ABCC2: variants seen among roughly 807,000 people sequenced by gnomAD.
ABCC2 encodes the protein ATP binding cassette subfamily C member 2.
ABCC2 carries 157 observed loss-of-function variants against 173.4 expected under a neutral mutation model. The ratio of observed to expected loss-of-function variants is 0.91; its 90% CI spans 0.80 to 1.03. The LOEUF (loss-of-function observed/expected upper bound fraction) is 1.03, where lower values mean the gene tolerates loss of function less well. Among genes scored for constraint, ABCC2 ranks in the 50% least tolerant of loss-of-function variants. The pLI is 0.00. For synonymous variants in ABCC2, 657 were observed against 693.5 expected (o/e 0.95, Z 0.83); for missense variants, 1,822 against 1,852.3 (o/e 0.98, Z 0.30).
intron 12 of ABCC2, among the ~76,000 whole-genome samples, chr10:99,807,787 T>C (rs1042926394): frequency 1.3e-5 from 2 of 152,190 alleles, no homozygotes. Flanking sequence ...TCAGGAAGGA[T>C]TGGCTTAGGA....
chr10:99,817,590 G>A, intron 17 of ABCC2, 106 bp downstream of exon 17: 3 of 1,261,946 alleles, frequency 2.4e-6, no homozygotes, highest in Non-Finnish European at 2.3e-6. Flanking sequence ...ATTAATTTAG[G>A]TAGTCATATT....
intron 9 of ABCC2, among the ~76,000 whole-genome samples, chr10:99,803,229 A>G (rs1039600020): frequency 2.0e-5 from 3 of 152,236 alleles, no homozygotes; most frequent in Non-Finnish European, 4.4e-5. Flanking sequence ...TCGTCCTTCC[A>G]AAGTGCTAGG....
chr10:99,828,144 A>T (rs2038678129), intron 19 of ABCC2, among the ~76,000 whole-genome samples: 1 of 150,968 alleles, frequency 6.6e-6, no homozygotes, highest in Admixed American at 6.6e-5. Context: ...ATTAGCCTGG[A>T]TCTGAGTTTC....
chr10:99,808,198 T>G lies in ABCC2; in HGVS notation c.1784T>G (p.Met595Arg), dbSNP rs774098809. Residue 595 changes from methionine to arginine, a missense_variant, in exon 13 of 32, where the codon ATG becomes AGG. Coordinates refer to ENST00000647814, the MANE Select transcript of ABCC2 (RefSeq NM_000392.5). ...AATATCCTGCGCTTTCCCCTGAGCA[T>G]GCTTCCCATGATGATCTCCTCCATG... Reference protein sequence around the residue: ...LFNILRFPLSMLPMMISSMLQ... With the variant: ...LFNILRFPLSRLPMMISSMLQ... The G allele has an allele frequency of 5.6e-6, 9 of 1,614,032 alleles. No individual in the cohort carries two copies. The East Asian group carries it at 2.0e-4, about 36-fold the overall frequency.
chr10:99,851,365 G>A (rs559595368), intron 31 of ABCC2, 137 bp from the exon 32 acceptor site: 255 of 919,244 alleles, frequency 2.8e-4, no homozygotes, highest in Non-Finnish European at 4.2e-4. Flanking sequence ...GTTGATGTGT[G>A]TAGCTGTGGC....
chr10:99,830,083 A>G (rs1194778252), intron 19 of ABCC2, among the ~76,000 whole-genome samples: 2 of 152,220 alleles, frequency 1.3e-5, no homozygotes, highest in Non-Finnish European at 2.9e-5. Context: ...TTTCTCTTCC[A>G]GTGGAATATT....
intron 25 of ABCC2, 57 bp downstream of exon 25, chr10:99,836,347 A>T (rs1288223535): frequency 1.1e-5 from 17 of 1,577,186 alleles, no homozygotes; most frequent in Non-Finnish European, 1.5e-5. Context: ...TATATGTTTG[A>T]TATTAGCGGT....
At chr10:99,798,429 G>C (rs1050263665) in intron 7 of ABCC2, among the ~76,000 whole-genome samples, 3 of 152,102 alleles carry the variant, frequency 2.0e-5, no homozygotes, top group Non-Finnish European at 4.4e-5. Context: ...GTTTCCTAGG[G>C]CTGCCATGAT....
intron 14 of ABCC2, among the ~76,000 whole-genome samples, chr10:99,811,158 C>G (rs2038205639): frequency 6.6e-6 from 1 of 152,010 alleles, no homozygotes; most frequent in Non-Finnish European, 1.5e-5. Context: ...TGGTGAAACC[C>G]TGTCTCTACT....
At chr10:99,829,713 A>G (rs2038706482) in intron 19 of ABCC2, among the ~76,000 whole-genome samples, 1 of 151,872 alleles carries the variant, frequency 6.6e-6, no homozygotes, top group Non-Finnish European at 1.5e-5. Flanking sequence ...CTCACCTTCA[A>G]CCTCCTGTGT....
chr10:99,830,447 T>C lies in ABCC2; in HGVS notation c.2747+14T>C. The C allele has an allele frequency of 6.2e-7, 1 of 1,614,182 alleles. No individual in the cohort carries two copies. The highest frequency in any genetic ancestry group is 8.5e-7 in the Non-Finnish European group (1 of 1,180,022). On this transcript the variant is annotated intron_variant, in intron 20 of 31. Transcript: ENST00000647814. ...ACTTAGCCGCAGGTTGGCTATCTAT[T>C]CAGCTGGCAGCCCTCGTCAGCTCTA...
rs1564677115 is a variant in ABCC2 at position 99,804,144 on chromosome 10, TC to T, written c.1336del (p.Leu446TyrfsTer19). The T allele has an allele frequency of 1.2e-6, 2 of 1,614,182 alleles. No homozygotes were observed. Among genetic ancestry groups the T allele is most frequent in the Non-Finnish European group, 1.7e-6 (2 of 1,180,034 alleles). ...NFMHMLWSSVLQIVLSIFFLW... is the reference protein window; with the variant it reads ...NFMHMLWSSVXQIVLSIFFLW... ...TCATGCACATGCTGTGGTCAAGTGTTCTACAGATTGTCTTATCTATCTTCTT... is the reference window on the plus strand; with the variant it reads ...TCATGCACATGCTGTGGTCAAGTGTTTACAGATTGTCTTATCTATCTTCTT... On this transcript the variant is annotated frameshift_variant, in exon 10 of 32. Coordinates refer to ENST00000647814, the MANE Select transcript of ABCC2 (RefSeq NM_000392.5). LOFTEE classifies it high-confidence loss of function.
Position 99,782,920 on chromosome 10 carries a change from C to T in ABCC2, c.33+43C>T. The stretch of plus-strand genomic sequence containing the variant: ...TCTTCATATTGACTCTTCTCAGACT[C>T]AGAACAAGTGGTAGTTAGTTAACTT... On this transcript the variant is annotated intron_variant, in intron 1 of 31. Transcript: ENST00000647814. 3 of 1,603,540 alleles carry T rather than the reference C, an allele frequency of 1.9e-6. 1 individual carries two copies. The highest frequency in any genetic ancestry group is 2.2e-5 in the South Asian group (2 of 90,340).
intron 19 of ABCC2, among the ~76,000 whole-genome samples, chr10:99,819,719 T>G (rs1322591449): frequency 1.3e-5 from 2 of 152,214 alleles, no homozygotes; most frequent in Non-Finnish European, 2.9e-5. Context: ...TCTTGGTAGA[T>G]CCTAACAAAG....
intron 19 of ABCC2, among the ~76,000 whole-genome samples, chr10:99,822,534 G>A (rs2038556741): frequency 6.6e-6 from 1 of 151,692 alleles, no homozygotes; most frequent in Non-Finnish European, 1.5e-5. Flanking sequence ...TTTTCTCCTG[G>A]TGAAACACAA....
In ABCC2 at chr10:99,817,548, T is replaced by C. The variant is rs912966419; in HGVS notation, c.2271+64T>C. ...TATTGAAGAGAAAAAGTGAGGATGG[T>C]GGTGAAGAACTACACAGGGGTAATC... On this transcript the variant is annotated intron_variant, in intron 17 of 31. Coordinates refer to ENST00000647814, the MANE Select transcript of ABCC2 (RefSeq NM_000392.5). 1.1e-5 allele frequency: 17 copies of C among 1,570,628 alleles called. No individual in the cohort carries two copies. The Admixed American group carries it at 2.9e-4, about 26-fold the overall frequency.
chr10:99,805,664 C>T (rs1318956311), intron 11 of ABCC2, among the ~76,000 whole-genome samples: 3 of 152,134 alleles, frequency 2.0e-5, no homozygotes, highest in African/African-American at 4.8e-5. Context: ...TGACACTTTA[C>T]TGTAGAAGTG....
intron 2 of ABCC2, among the ~76,000 whole-genome samples, chr10:99,790,330 A>G (rs1455969062): frequency 6.6e-6 from 1 of 152,200 alleles, no homozygotes; most frequent in African/African-American, 2.4e-5. Flanking sequence ...TCATATGTTT[A>G]AAAGCCTTTT....
At chr10:99,805,134 G>C (rs2038077941) in intron 10 of ABCC2, among the ~76,000 whole-genome samples, 1 of 152,106 alleles carries the variant, frequency 6.6e-6, no homozygotes. Context: ...CTGGGAGGTG[G>C]GTACAGTCAG....
Sources: gnomAD v4.1 joint callset for allele counts (sites outside exome capture counted in the v4.1 genomes callset) on GRCh38, gnomAD v4.1.1 for gene constraint, MANE v1.5 for transcripts, NCBI Gene and HGNC (gene_info 2026-07-23, HGNC 2026-07-21) for gene names.